The following SLC1A7 variants were observed in gnomAD, a reference collection of about 807,000 sequenced individuals.
SLC1A7 encodes the protein excitatory amino acid transporter 5.
Under a neutral mutation model 47.7 loss-of-function variants are expected in SLC1A7, and 40 were observed. The ratio of observed to expected loss-of-function variants is 0.84; its 90% CI spans 0.65 to 1.09. The LOEUF is 1.09. Ranked by LOEUF, SLC1A7 falls within the 50% of genes least tolerant of loss-of-function variation. The pLI is 0.00. For synonymous variants in SLC1A7, 323 were observed against 325.6 expected (o/e 0.99, Z 0.09); for missense variants, 746 against 769.5 (o/e 0.97, Z 0.36).
Position 53,088,915 on chromosome 1 carries a change from T to C in SLC1A7, c.1426A>G (p.Ile476Val), listed in dbSNP as rs770375947. Reference protein sequence around the residue: ...DALAAGIMAHICRKDFARDTG... With the variant: ...DALAAGIMAHVCRKDFARDTG... The stretch of plus-strand genomic sequence containing the variant: ...TCCCGGGCAAAATCCTTCCGACATA[T>C]ATGGGCCATGATCCCCGCTGCCAGC... The change falls in exon 10 of 11, where the codon ATA becomes GTA. Residue 476 changes from isoleucine (I) to valine (V), a missense_variant. Transcript: ENST00000371494. 4 of 1,613,932 alleles carry C rather than the reference T, an allele frequency of 2.5e-6. No homozygotes were observed. Among genetic ancestry groups the C allele is most frequent in the Admixed American group, 3.3e-5 (2 of 60,008 alleles).
chr1:53,107,317 C>T (rs531840500), intron 3 of SLC1A7, among the ~76,000 whole-genome samples: 87 of 152,088 alleles, frequency 5.7e-4, no homozygotes, highest in African/African-American at 2.0e-3. Context: ...AATCCCTAAG[C>T]GCAACATAGC....
rs1644832054 is a variant in SLC1A7, at chr1:53,122,038, G to A, written c.216-7065C>T. ...GCTGGGGGGCTGGGGGGCAGGTGCT[G>A]TGTGGTCCGGAGCGGAGCAGACCTG... is the stretch of plus-strand genomic sequence containing the variant. On this transcript the variant is annotated intron_variant, in intron 2 of 10. Transcript: ENST00000371494. Among the ~76,000 whole-genome samples, 4 of 152,078 alleles carry A rather than the reference G, an allele frequency of 2.6e-5. No homozygotes were observed. The South Asian group carries it at 8.3e-4, about 32-fold the overall frequency.
intron 2 of SLC1A7, among the ~76,000 whole-genome samples, chr1:53,124,418 AC>A (rs1644859654): frequency 6.6e-6 from 1 of 152,186 alleles, no homozygotes. Flanking sequence ...CCCCTGAAGG[AC>A]GCCTGGTTTA....
chr1:53,124,807 C>T (rs1644863213), intron 2 of SLC1A7, among the ~76,000 whole-genome samples: 1 of 152,202 alleles, frequency 6.6e-6, no homozygotes, highest in Non-Finnish European at 1.5e-5. Context: ...TAGCAGCCTC[C>T]CAAGTGCCTT....
At position 53,114,940 on chromosome 1, in the gene SLC1A7, C is replaced by T; in HGVS notation, c.249G>A (p.Lys83=). The change falls in exon 3 of 11, where the codon AAG becomes AAA. Residue 83 remains lysine, a synonymous_variant. Transcript: ENST00000371494. ...TGAGGACGCCCAGGCGGCTAGAGGT[C>T]TTGGCATCCAGGGAGGCAAGTCCGG... is the stretch of plus-strand genomic sequence containing the variant. ...LMSGLASLDA[K]TSSRLGVLTV... The T allele has an allele frequency of 6.2e-7, 1 of 1,614,086 alleles. No homozygotes were observed. Among genetic ancestry groups the T allele is most frequent in the South Asian group, 1.1e-5 (1 of 91,072 alleles).
At chr1:53,114,411 C>T (rs570759489) in intron 3 of SLC1A7, among the ~76,000 whole-genome samples, 65 of 152,140 alleles carry the variant, frequency 4.3e-4, no homozygotes, top group Non-Finnish European at 4.9e-4. Flanking sequence ...CTTTTTGAGC[C>T]CCATTTCCTC....
At chr1:53,106,445 A>C (rs1644641906) in intron 3 of SLC1A7, among the ~76,000 whole-genome samples, 1 of 151,920 alleles carries the variant, frequency 6.6e-6, no homozygotes, top group African/African-American at 2.4e-5. Flanking sequence ...TCTACTAAAA[A>C]TACAAAAAAT....
intron 5 of SLC1A7, among the ~76,000 whole-genome samples, chr1:53,097,486 C>T (rs1644510316): frequency 6.7e-6 from 1 of 148,956 alleles, no homozygotes; most frequent in Non-Finnish European, 1.5e-5. Flanking sequence ...TGCCTCAGTA[C>T]ACTCACACAC....
chr1:53,087,778 C>CG lies in SLC1A7; in HGVS notation c.*230dup, dbSNP rs1644375527. 2.8e-6 allele frequency: 1 copy of CG among 362,882 alleles called. No homozygotes were observed. The highest frequency in any genetic ancestry group is 1.4e-4 in the South Asian group (1 of 7,154). The allele number at this position is 362,882 out of a possible 1,614,324, so 22.5% of individuals were successfully genotyped here. Reference sequence around the variant, plus strand: ...GCTCACACCGGGGAAACTGTCACAGCGGGGCCTCAGGCAATGCCGGGCCCA... The same window carrying CG: ...GCTCACACCGGGGAAACTGTCACAGCGGGGGCCTCAGGCAATGCCGGGCCCA... On this transcript the variant is annotated 3_prime_UTR_variant, in exon 11 of 11. Transcript: ENST00000371494.
chr1:53,092,812 TCAGGAACCAGG>T, intron 6 of SLC1A7, 25 bp from the exon 7 acceptor site: 1 of 1,510,372 alleles, frequency 6.6e-7, no homozygotes, highest in Non-Finnish European at 9.2e-7. Flanking sequence ...GCAGCCAGGC[TCAGGAACCAGG>T]CAGGCAGACA....
At chr1:53,112,643 G>GT (rs1644712287) in intron 3 of SLC1A7, among the ~76,000 whole-genome samples, 1 of 152,218 alleles carries the variant, frequency 6.6e-6, no homozygotes, top group South Asian at 2.1e-4. Context: ...TTTGAGGAAT[G>GT]TAGGGGCTGG....
At chr1:53,105,284 A>C (rs551886525) in intron 4 of SLC1A7, among the ~76,000 whole-genome samples, 87 of 152,320 alleles carry the variant, frequency 5.7e-4, no homozygotes, top group African/African-American at 2.1e-3. Context: ...GATTACTTTA[A>C]AAAGAAAGAG....
At chr1:53,137,299 A>ACAAAAAAAAAG in intron 1 of SLC1A7, among the ~76,000 whole-genome samples, 1 of 139,694 alleles carries the variant, frequency 7.2e-6, no homozygotes, top group Non-Finnish European at 1.5e-5. Context: ...AAAAAAAAAA[A>ACAAAAAAAAAG]GTGCTCTACT....
At chr1:53,123,143 C>T (rs554735693) in intron 2 of SLC1A7, among the ~76,000 whole-genome samples, 24 of 152,358 alleles carry the variant, frequency 1.6e-4, no homozygotes, top group Admixed American at 3.3e-4. Flanking sequence ...CCATTCTCAA[C>T]CATTCTCCAC....
At chr1:53,091,403 C>T (rs1460597049) in intron 7 of SLC1A7, among the ~76,000 whole-genome samples, 1 of 152,236 alleles carries the variant, frequency 6.6e-6, no homozygotes. Flanking sequence ...AAGGCCGGTT[C>T]TACTCGCCAG....
chr1:53,104,034 C>A (rs939768847), intron 4 of SLC1A7, among the ~76,000 whole-genome samples: 2 of 152,154 alleles, frequency 1.3e-5, no homozygotes, highest in Non-Finnish European at 2.9e-5. Flanking sequence ...GAAGCCCATG[C>A]ACAAGAAAAT....
Position 53,142,511 on chromosome 1 carries a change from G to C in SLC1A7, c.-62C>G, listed in dbSNP as rs1210835074. The stretch of plus-strand genomic sequence containing the variant: ...TTCCACGCATGAGAGCCCGGCCGGG[G>C]GCACAGGGTCTGGGCTGAGGGCTCT... On this transcript the variant is annotated 5_prime_UTR_variant, in exon 1 of 11. Coordinates refer to ENST00000371494, the MANE Select transcript of SLC1A7 (RefSeq NM_006671.6). 1 of 1,577,848 alleles carries C rather than the reference G, an allele frequency of 6.3e-7. No individual in the cohort carries two copies. The highest frequency in any genetic ancestry group is 1.2e-5 in the South Asian group (1 of 86,062).
In SLC1A7 at chr1:53,113,240, G is replaced by C. The variant is rs181988185; in HGVS notation, c.431+1518C>G. Among the ~76,000 whole-genome samples, 29 of 152,138 alleles carry C rather than the reference G, an allele frequency of 1.9e-4. No individual in the cohort carries two copies. In the South Asian group the frequency reaches 2.5e-3, roughly 13 times the overall value. On this transcript the variant is annotated intron_variant, in intron 3 of 10. Transcript: ENST00000371494. ...TGTGGAGCCCAGCACACCATTCCTGGGTGGGGCTTCCCAGGCTCCATCCCA... is the reference window on the plus strand; with the variant it reads ...TGTGGAGCCCAGCACACCATTCCTGCGTGGGGCTTCCCAGGCTCCATCCCA...
At chr1:53,130,098 G>A in intron 2 of SLC1A7, among the ~76,000 whole-genome samples, 1 of 152,170 alleles carries the variant, frequency 6.6e-6, no homozygotes, top group East Asian at 1.9e-4. Flanking sequence ...AGGTCACTGA[G>A]CTAACGACAC....
Sources: gnomAD v4.1 joint callset for allele counts (sites outside exome capture counted in the v4.1 genomes callset) on GRCh38, gnomAD v4.1.1 for gene constraint, MANE v1.5 for transcripts, NCBI Gene and HGNC (gene_info 2026-07-23, HGNC 2026-07-21) for gene names.